SMARCAD1: variants seen among roughly 807,000 people sequenced by gnomAD.
The protein encoded by SMARCAD1 is SWI/SNF-related matrix-associated actin-dependent regulator of chromatin subfamily A containing DEAD/H box 1.
A neutral mutation model predicts 127.1 loss-of-function variants in SMARCAD1; 25 were observed. The ratio of observed to expected loss-of-function variants is 0.20; its 90% confidence interval spans 0.14 to 0.27. The LOEUF is 0.27. Ranked by LOEUF, SMARCAD1 falls within the 10% of genes least tolerant of loss-of-function variation. The probability of loss-of-function intolerance (pLI) is 1.00; values close to 1 mark genes in which losing one functional copy is unlikely to be tolerated. For missense variants in SMARCAD1, 807 were observed against 1,206.0 expected, an observed-to-expected ratio of 0.67 and a Z score of 4.90; for synonymous variants, 400 against 396.9, an observed-to-expected ratio of 1.01 and a Z score of -0.09.
At position 94,220,145 on chromosome 4, in the gene SMARCAD1, A is replaced by T. The variant is rs1014441501; in HGVS notation, c.191-5974A>T. Among the ~76,000 whole-genome samples, 11 of 152,200 alleles carry T rather than the reference A, an allele frequency of 7.2e-5. No individual in the cohort carries two copies. The South Asian group carries it at 2.3e-3, about 32-fold the overall frequency. On this transcript the variant is annotated intron_variant, in intron 2 of 23. Transcript: ENST00000354268. ...ATTTTGCTGTTGCTTACTTCTGAAAATAGTCCAGATAAACAAATCTAAGTG... is the reference window on the plus strand; with the variant it reads ...ATTTTGCTGTTGCTTACTTCTGAAATTAGTCCAGATAAACAAATCTAAGTG...
Position 94,274,923 on chromosome 4 carries a change from A to G in SMARCAD1, c.1766A>G (p.Asn589Ser), listed in dbSNP as rs1199339194. The change falls in exon 14 of 24, where the codon AAC (asparagine) becomes AGC (serine). Residue 589 changes from asparagine to serine, a missense_variant. Physicochemically the swap from Asn to Ser is conservative, Grantham distance 46 (BLOSUM62 1). This residue lies in a region of SMARCAD1 where 148 missense variants were observed against 313.2 expected (regional missense o/e 0.47). Transcript: ENST00000354268. ...GAAGAACGTAAACAAATTAGATTTA[A>G]CATTCATAGTAGATATGAAGATTAC... ...SQEERKQIRFNIHSRYEDYNV... is the reference protein window; with the variant it reads ...SQEERKQIRFSIHSRYEDYNV... The G allele has an allele frequency of 2.5e-6, 4 of 1,603,618 alleles. No homozygotes were observed. Among genetic ancestry groups the G allele is most frequent in the Non-Finnish European group, 3.4e-6 (4 of 1,171,274 alleles).
In SMARCAD1 at chr4:94,268,962, G is replaced by C. The variant is rs1378029663; in HGVS notation, c.1482-1766G>C. Among the ~76,000 whole-genome samples the C allele has an allele frequency of 3.9e-5, 6 of 152,156 alleles. No individual in the cohort carries two copies. In the South Asian group the frequency reaches 1.2e-3, roughly 32 times the overall value. ...TTACTACTTTTATAGTAGTAGCATA[G>C]AAATTATATTGATTGGGAAAGCAAA... On this transcript the variant is annotated intron_variant, in intron 10 of 23. Coordinates refer to ENST00000354268, the MANE Select transcript of SMARCAD1 (RefSeq NM_020159.5).
intron 3 of SMARCAD1, among the ~76,000 whole-genome samples, chr4:94,227,123 T>C (rs1193905635): frequency 6.6e-6 from 1 of 152,028 alleles, no homozygotes; most frequent in East Asian, 1.9e-4. Context: ...AAGTGAACCA[T>C]GTAGATGTGG....
chr4:94,214,161 A>G (rs1742753859), intron 2 of SMARCAD1, among the ~76,000 whole-genome samples: 1 of 152,120 alleles, frequency 6.6e-6, no homozygotes, highest in African/African-American at 2.4e-5. Flanking sequence ...GTGATGAGAT[A>G]GAGATTATTC....
intron 10 of SMARCAD1, among the ~76,000 whole-genome samples, chr4:94,265,846 C>A (rs925058992): frequency 9.9e-5 from 15 of 151,890 alleles, no homozygotes; most frequent in Non-Finnish European, 2.2e-4. Flanking sequence ...TACATCTGTT[C>A]AAAGTATTTC....
chr4:94,236,376 G>T (rs1355291346), intron 4 of SMARCAD1, among the ~76,000 whole-genome samples: 2 of 152,034 alleles, frequency 1.3e-5, no homozygotes, highest in Non-Finnish European at 2.9e-5. Context: ...TGTCATGCAA[G>T]CAATATATGC....
chr4:94,265,318 TAAATA>T (rs1325807097), intron 10 of SMARCAD1, among the ~76,000 whole-genome samples: 2 of 151,924 alleles, frequency 1.3e-5, no homozygotes, highest in African/African-American at 2.4e-5. Flanking sequence ...TTTTTAATCA[TAAATA>T]AAATGAAATG....
At chr4:94,214,303 C>T (rs1411611895) in intron 2 of SMARCAD1, among the ~76,000 whole-genome samples, 2 of 148,952 alleles carry the variant, frequency 1.3e-5, no homozygotes, top group Admixed American at 1.3e-4. Context: ...CACTCTGTCA[C>T]CCAGGCTGGA....
chr4:94,282,100 G>GTTTTTTTTTTTTTTTTT (rs70946518), intron 21 of SMARCAD1, among the ~76,000 whole-genome samples: 8 of 74,964 alleles, frequency 1.1e-4, no homozygotes, highest in Admixed American at 4.9e-4. Flanking sequence ...ACGTTTTTTT[G>GTTTTTTTTTTTTTTTTT]TTTTTTTTTT....
At chr4:94,266,846 C>G (rs187797252) in intron 10 of SMARCAD1, among the ~76,000 whole-genome samples, 3 of 152,178 alleles carry the variant, frequency 2.0e-5, no homozygotes, top group Admixed American at 6.6e-5. Flanking sequence ...TACAAATATT[C>G]CGGAATTCCT....
chr4:94,234,619 G>A (rs544219190), intron 4 of SMARCAD1, among the ~76,000 whole-genome samples: 7 of 152,306 alleles, frequency 4.6e-5, no homozygotes, highest in Non-Finnish European at 8.8e-5. Context: ...GAAATGTAAA[G>A]TGATGTTTAG....
intron 10 of SMARCAD1, among the ~76,000 whole-genome samples, chr4:94,266,901 T>C (rs949396692): frequency 6.6e-6 from 1 of 152,150 alleles, no homozygotes; most frequent in Non-Finnish European, 1.5e-5. Flanking sequence ...AGTTTTCATA[T>C]GTACTTCAAA....
At chr4:94,247,906 G>A (rs994962573) in intron 6 of SMARCAD1, among the ~76,000 whole-genome samples, 1 of 152,020 alleles carries the variant, frequency 6.6e-6, no homozygotes, top group African/African-American at 2.4e-5. Flanking sequence ...CGTATATTGC[G>A]TGATGCTGAA....
At chr4:94,214,987 G>C (rs1473462636) in intron 2 of SMARCAD1, among the ~76,000 whole-genome samples, 1 of 152,108 alleles carries the variant, frequency 6.6e-6, no homozygotes, top group Non-Finnish European at 1.5e-5. Flanking sequence ...TGAGTAAAAA[G>C]TCAACTGTTT....
chr4:94,233,506 G>C (rs1746162704), intron 3 of SMARCAD1, among the ~76,000 whole-genome samples: 1 of 152,154 alleles, frequency 6.6e-6, no homozygotes, highest in Non-Finnish European at 1.5e-5. Context: ...GGACCATTCT[G>C]ATTTTAGCAG....
intron 8 of SMARCAD1, among the ~76,000 whole-genome samples, chr4:94,251,656 G>C (rs1749287206): frequency 6.6e-6 from 1 of 152,110 alleles, no homozygotes; most frequent in Admixed American, 6.5e-5. Context: ...ATGATAATCT[G>C]TGTAAGTCTA....
intron 11 of SMARCAD1, 99 bp downstream of exon 11, chr4:94,270,917 T>A: frequency 1.0e-6 from 1 of 981,244 alleles, no homozygotes; most frequent in Non-Finnish European, 1.6e-6. Context: ...CTACTGTAGT[T>A]AACTACTGCC....
At position 94,216,131 on chromosome 4, in the gene SMARCAD1, T is replaced by C. The variant is rs1316977993; in HGVS notation, c.190+7547T>C. On this transcript the variant is annotated intron_variant, in intron 2 of 23. Transcript: ENST00000354268. ...TTTTAACCCCATGTGGCTGAATGAG[T>C]GAGGGGTCTCTTGGGCCTCTTTTAT... Among the ~76,000 whole-genome samples the C allele has an allele frequency of 3.9e-5, 6 of 152,106 alleles. No individual in the cohort carries two copies. The East Asian group carries it at 1.2e-3, about 29-fold the overall frequency.
At chr4:94,285,320 A>G (rs1754775737) in intron 23 of SMARCAD1, among the ~76,000 whole-genome samples, 1 of 152,188 alleles carries the variant, frequency 6.6e-6, no homozygotes, top group Non-Finnish European at 1.5e-5. Context: ...AAATGAAAGA[A>G]CAGACGCCTC....
Sources: allele counts gnomAD v4.1 joint callset (sites outside exome capture counted in the v4.1 genomes callset), GRCh38; gene constraint gnomAD v4.1.1; regional missense constraint gnomAD v4.1.1; transcripts MANE v1.5; gene names NCBI Gene and HGNC (gene_info 2026-07-23, HGNC 2026-07-21).